The following XKR9 variants were observed in gnomAD, a reference collection of about 807,000 sequenced individuals.
The protein encoded by XKR9 is XK related 9, also known as XK-related protein 9.
In XKR9, 32 loss-of-function variants were observed where a neutral mutation model predicts 32.0. That is an observed-to-expected ratio of 1.00 (90% CI 0.76 to 1.34). The LOEUF is 1.34. XKR9 is among the 40% of genes most tolerant of loss of function. The pLI, the probability that XKR9 is intolerant of heterozygous loss-of-function variation, is 0.00. For missense variants in XKR9, 546 were observed against 429.7 expected, an observed-to-expected ratio of 1.27 and a Z score of -2.39; for synonymous variants, 168 against 143.4, an observed-to-expected ratio of 1.17 and a Z score of -1.22.
the XKR9 span, among the ~76,000 whole-genome samples, chr8:71,061,231 A>G: frequency 1.3e-5 from 2 of 152,248 alleles, no homozygotes; most frequent in African/African-American, 2.4e-5. Context: ...TGCTCTTCCT[A>G]CATCCCTGCC....
At chr8:70,697,774 T>C (rs1000065057) in intron 3 of XKR9, among the ~76,000 whole-genome samples, 8 of 152,010 alleles carry the variant, frequency 5.3e-5, no homozygotes, top group African/African-American at 1.7e-4. Flanking sequence ...AGTTCCTCCT[T>C]GTACCTCTGG....
chr8:70,779,792 G>C (rs1807590024), intron 2 of XKR9, among the ~76,000 whole-genome samples: 1 of 152,098 alleles, frequency 6.6e-6, no homozygotes, highest in Non-Finnish European at 1.5e-5. Context: ...TGTGGGATTG[G>C]TGGTGATATC....
At chr8:70,969,557 G>C in the XKR9 span, among the ~76,000 whole-genome samples, 1 of 152,064 alleles carries the variant, frequency 6.6e-6, no homozygotes, top group African/African-American at 2.4e-5. Flanking sequence ...TGAGGATCAT[G>C]GATTCATTGT....
the XKR9 span, among the ~76,000 whole-genome samples, chr8:70,797,732 G>A: frequency 4.8e-3 from 735 of 152,172 alleles, 6 homozygotes; most frequent in African/African-American, 0.017. Flanking sequence ...AGGCCCTGGT[G>A]TCTGTTGTTC....
the XKR9 span, among the ~76,000 whole-genome samples, chr8:70,813,698 T>G: frequency 7.2e-5 from 11 of 152,296 alleles, no homozygotes; most frequent in South Asian, 2.3e-3. Context: ...AAAAATTCTC[T>G]TCATCACTGG....
chr8:70,946,462 C>T, the XKR9 span, among the ~76,000 whole-genome samples: 9,080 of 152,180 alleles, frequency 0.06, 383 homozygotes, highest in Non-Finnish European at 0.084. Context: ...ATCATCCAGG[C>T]GCTCTGCATA....
At chr8:70,944,922 A>G in the XKR9 span, among the ~76,000 whole-genome samples, 1 of 152,210 alleles carries the variant, frequency 6.6e-6, no homozygotes. Context: ...CTAATACTGC[A>G]GAAAATAGCA....
At chr8:70,856,445 C>T in the XKR9 span, among the ~76,000 whole-genome samples, 4 of 152,108 alleles carry the variant, frequency 2.6e-5, no homozygotes, top group Non-Finnish European at 4.4e-5. Context: ...TATATGCACC[C>T]AATACAGGAG....
chr8:70,891,944 T>A, the XKR9 span, among the ~76,000 whole-genome samples: 2 of 152,090 alleles, frequency 1.3e-5, no homozygotes, highest in African/African-American at 4.8e-5. Context: ...GCTGTGGTGT[T>A]GGGTGTGTAT....
chr8:71,038,305 C>G, the XKR9 span, among the ~76,000 whole-genome samples: 1 of 146,908 alleles, frequency 6.8e-6, no homozygotes, highest in Non-Finnish European at 1.5e-5. Flanking sequence ...CTCTCTCTCT[C>G]TTTCTTTCTT....
At chr8:70,754,568 T>C (rs1275139946) in intron 2 of XKR9, among the ~76,000 whole-genome samples, 1 of 150,410 alleles carries the variant, frequency 6.6e-6, no homozygotes, top group African/African-American at 2.4e-5. Flanking sequence ...AAAACAGATA[T>C]AGATCAGTGG....
At chr8:70,806,131 C>A in the XKR9 span, among the ~76,000 whole-genome samples, 1 of 152,130 alleles carries the variant, frequency 6.6e-6, no homozygotes, top group South Asian at 2.1e-4. Context: ...TGAATGGGGC[C>A]TGAAGTGAAC....
chr8:70,687,359 TCTC>T (rs1446109446), intron 3 of XKR9, among the ~76,000 whole-genome samples: 1 of 146,144 alleles, frequency 6.8e-6, no homozygotes, highest in Admixed American at 7.0e-5. Flanking sequence ...TCTTTCTTTC[TCTC>T]TTTCCTTTCT....
chr8:70,783,403 T>G lies in XKR9; in HGVS notation n.353-5936T>G, dbSNP rs544805449. On this transcript the variant is annotated intron_variant and non_coding_transcript_variant, in intron 2 of 3. Transcript: ENST00000520273. ...CATCACACCCAGCTAATTTTTTGTA[T>G]TTTTAGTAGAGATGGGGTTTCACCG... 2.6e-5 allele frequency among the ~76,000 whole-genome samples: 4 copies of G among 152,160 alleles called. No homozygotes were observed. The South Asian group carries it at 8.3e-4, about 32-fold the overall frequency.
the XKR9 span, among the ~76,000 whole-genome samples, chr8:70,953,075 AT>A: frequency 6.6e-6 from 1 of 152,356 alleles, no homozygotes; most frequent in African/African-American, 2.4e-5. Flanking sequence ...AAATTAAAAA[AT>A]AAATTAGTCC....
chr8:70,990,314 C>T, the XKR9 span, among the ~76,000 whole-genome samples: 1 of 152,082 alleles, frequency 6.6e-6, no homozygotes, highest in East Asian at 1.9e-4. Flanking sequence ...GATATAAAAG[C>T]TCACATCCCA....
chr8:71,050,232 C>CAGAGAG, the XKR9 span, among the ~76,000 whole-genome samples: 1 of 97,600 alleles, frequency 1.0e-5, no homozygotes, highest in African/African-American at 3.5e-5. Context: ...TTATGCCTGG[C>CAGAGAG]AGAGATATAT....
At chr8:71,012,015 G>A in the XKR9 span, among the ~76,000 whole-genome samples, 35 of 146,756 alleles carry the variant, frequency 2.4e-4, no homozygotes, top group South Asian at 1.3e-3. Context: ...TTTTACATTG[G>A]TTATTGTCAT....
At chr8:70,898,744 TGA>T in the XKR9 span, among the ~76,000 whole-genome samples, 17,364 of 152,126 alleles carry the variant, frequency 0.11, 1,167 homozygotes, top group African/African-American at 0.19. Flanking sequence ...TTTCTTTATC[TGA>T]GAGTGTTCTT....
Sources: allele counts gnomAD v4.1 joint callset (sites outside exome capture counted in the v4.1 genomes callset), GRCh38; gene constraint gnomAD v4.1.1; transcripts MANE v1.5; gene names NCBI Gene and HGNC (gene_info 2026-07-23, HGNC 2026-07-21).